The following ATP10B variants were observed in gnomAD, a reference collection of about 807,000 sequenced individuals.
ATP10B encodes phospholipid-transporting ATPase VB.
A neutral mutation model predicts 141.2 loss-of-function variants in ATP10B; 122 were observed. The ratio of observed to expected loss-of-function variants is 0.86; its 90% CI spans 0.75 to 1.00. The LOEUF (loss-of-function observed/expected upper bound fraction) is 1.00, where lower values mean the gene tolerates loss of function less well. Among genes scored for constraint, ATP10B ranks in the 50% least tolerant of loss-of-function variants. The probability of loss-of-function intolerance (pLI) is 0.00; values close to 1 mark genes in which losing one functional copy is unlikely to be tolerated. For missense variants in ATP10B, 1,876 were observed against 1,825.3 expected (o/e 1.03, Z -0.51); for synonymous variants, 685 against 692.0 (o/e 0.99, Z 0.16).
At chr5:160,730,168 A>T (rs1766641828) in intron 2 of ATP10B, among the ~76,000 whole-genome samples, 1 of 152,154 alleles carries the variant, frequency 6.6e-6, no homozygotes, top group South Asian at 2.1e-4. Flanking sequence ...CAAAGCCCAC[A>T]GTGAGTTTAC....
intron 2 of ATP10B, among the ~76,000 whole-genome samples, chr5:160,744,935 G>A (rs551562643): frequency 2.6e-5 from 4 of 152,222 alleles, no homozygotes; most frequent in Non-Finnish European, 5.9e-5. Context: ...GTGAGGAGCT[G>A]AGCAGCAGGG....
intron 2 of ATP10B, among the ~76,000 whole-genome samples, chr5:160,760,347 C>T (rs183272578): frequency 6.6e-6 from 1 of 152,138 alleles, no homozygotes; most frequent in Non-Finnish European, 1.5e-5. Context: ...TCCTTAAGAC[C>T]TTGCTTCCTG....
chr5:160,895,968 G>A, the ATP10B span, among the ~76,000 whole-genome samples: 3 of 152,086 alleles, frequency 2.0e-5, no homozygotes, highest in Non-Finnish European at 2.9e-5. Flanking sequence ...ATGAAATGAA[G>A]GCAGAAATAA....
At chr5:160,837,757 G>A (rs562433923) in intron 1 of ATP10B, among the ~76,000 whole-genome samples, 1 of 152,056 alleles carries the variant, frequency 6.6e-6, no homozygotes, top group Non-Finnish European at 1.5e-5. Flanking sequence ...ACTACCATCT[G>A]CTTTAGCCCT....
the ATP10B span, among the ~76,000 whole-genome samples, chr5:160,869,732 G>A: frequency 1.3e-5 from 2 of 152,098 alleles, no homozygotes; most frequent in Non-Finnish European, 2.9e-5. Flanking sequence ...CAGACTCACA[G>A]GAAGAAATCA....
At chr5:160,849,618 T>TACACACACACACACACACACAC (rs796968833) in intron 1 of ATP10B, among the ~76,000 whole-genome samples, 143 of 148,238 alleles carry the variant, frequency 9.6e-4, no homozygotes, top group Admixed American at 1.2e-3. Flanking sequence ...TACTGGCAAT[T>TACACACACACACACACACACAC]ACACACACAC....
chr5:160,862,917 A>C, the ATP10B span, among the ~76,000 whole-genome samples: 1 of 152,020 alleles, frequency 6.6e-6, no homozygotes, highest in African/African-American at 2.4e-5. Flanking sequence ...AATGTATCAA[A>C]TATTGATTAC....
chr5:160,876,979 C>A, the ATP10B span, among the ~76,000 whole-genome samples: 1 of 148,742 alleles, frequency 6.7e-6, no homozygotes, highest in African/African-American at 2.4e-5. Context: ...GGTACCATTC[C>A]TTCTGAAACT....
chr5:160,634,180 T>C (rs1200737262), intron 12 of ATP10B, 174 bp downstream of exon 12: 1 of 901,104 alleles, frequency 1.1e-6, no homozygotes, highest in Non-Finnish European at 1.8e-6. Context: ...TTACAAGTAA[T>C]TGGAACAGCC....
At chr5:160,727,235 C>T (rs1332109051) in intron 2 of ATP10B, among the ~76,000 whole-genome samples, 6 of 152,160 alleles carry the variant, frequency 3.9e-5, no homozygotes, top group East Asian at 1.9e-4. Context: ...AAAGCATGAA[C>T]GCCGATCCCT....
In ATP10B at chr5:160,565,029, C is replaced by G. The variant is rs1656315209; in HGVS notation, c.*424G>C. The G allele has an allele frequency of 5.8e-6, 1 of 172,224 alleles. No homozygotes were observed. Among genetic ancestry groups the G allele is most frequent in the Non-Finnish European group, 1.2e-5 (1 of 80,212 alleles). The allele number at this position is 172,224 out of a possible 1,614,324, so 10.7% of individuals were successfully genotyped here. On this transcript the variant is annotated 3_prime_UTR_variant, in exon 26 of 26. Coordinates refer to ENST00000327245, the MANE Select transcript of ATP10B (RefSeq NM_025153.3). Reference sequence around the variant, plus strand: ...GCACAAGTCTCTTCTGAAACTTTAACTCTGGGCACTGAGGGGTAAATAAAC... The same window carrying G: ...GCACAAGTCTCTTCTGAAACTTTAAGTCTGGGCACTGAGGGGTAAATAAAC...
At chr5:160,685,978 T>G (rs1763724598) in intron 6 of ATP10B, 101 bp downstream of exon 6, 1 of 944,528 alleles carries the variant, frequency 1.1e-6, no homozygotes. Context: ...ATTAAATAAT[T>G]TAGGAAAATA....
At chr5:160,928,934 A>G in the ATP10B span, among the ~76,000 whole-genome samples, 1 of 152,188 alleles carries the variant, frequency 6.6e-6, no homozygotes, top group Non-Finnish European at 1.5e-5. Flanking sequence ...CCACGACCAC[A>G]TAGAGCTATC....
chr5:160,587,090 T>G (rs1355498484), intron 24 of ATP10B, among the ~76,000 whole-genome samples: 1 of 152,160 alleles, frequency 6.6e-6, no homozygotes, highest in South Asian at 2.1e-4. Context: ...TTGGGTCTTA[T>G]GTTTAAGTCT....
intron 2 of ATP10B, among the ~76,000 whole-genome samples, chr5:160,725,571 A>G (rs1393019738): frequency 1.3e-5 from 2 of 151,956 alleles, no homozygotes; most frequent in Non-Finnish European, 1.5e-5. Context: ...TCAGCCTCGC[A>G]AGTAGCTGGG....
chr5:160,828,336 T>C (rs1490101376), intron 1 of ATP10B, among the ~76,000 whole-genome samples: 1 of 152,108 alleles, frequency 6.6e-6, no homozygotes, highest in East Asian at 1.9e-4. Context: ...ATATCCAGAA[T>C]CTACAATGAA....
chr5:160,855,843 G>C (rs1355054263), upstream of ATP10B, among the ~76,000 whole-genome samples: 3 of 151,568 alleles, frequency 2.0e-5, no homozygotes, highest in African/African-American at 7.3e-5. Flanking sequence ...CTTGTTTTAT[G>C]ACTGTCCTTC....
intron 25 of ATP10B, among the ~76,000 whole-genome samples, chr5:160,566,528 A>C (rs920239420): frequency 7.2e-5 from 11 of 152,076 alleles, no homozygotes; most frequent in African/African-American, 2.7e-4. Flanking sequence ...GTGAGGTGAG[A>C]TTCCTAAGGT....
At chr5:160,592,104 C>T (rs1756344394) in intron 22 of ATP10B, among the ~76,000 whole-genome samples, 1 of 152,110 alleles carries the variant, frequency 6.6e-6, no homozygotes, top group African/African-American at 2.4e-5. Context: ...GCAGTGTGGC[C>T]TCTCTGGGCC....
Sources: allele counts gnomAD v4.1 joint callset (sites outside exome capture counted in the v4.1 genomes callset), GRCh38; gene constraint gnomAD v4.1.1; transcripts MANE v1.5; gene names NCBI Gene and HGNC (gene_info 2026-07-23, HGNC 2026-07-21).